Variants in SLC35F1 observed in about 807,000 individuals in gnomAD.
SLC35F1 encodes solute carrier family 35 member F1.
Under a neutral mutation model 48.7 loss-of-function variants are expected in SLC35F1, and 14 were observed. The ratio of observed to expected loss-of-function variants is 0.29; its 90% CI spans 0.19 to 0.45. The LOEUF is 0.45. Among genes scored for constraint, SLC35F1 ranks in the 20% least tolerant of loss-of-function variants. SLC35F1 has a pLI of 1.00. For synonymous variants in SLC35F1, 190 were observed against 202.2 expected (o/e 0.94, Z 0.51); for missense variants, 404 against 500.0 (o/e 0.81, Z 1.83).
chr6:118,074,485 G>A (rs946990572), intron 1 of SLC35F1, among the ~76,000 whole-genome samples: 3 of 152,150 alleles, frequency 2.0e-5, no homozygotes, highest in Admixed American at 6.5e-5. Flanking sequence ...CATATCATAA[G>A]CTTGACTTAC....
chr6:117,958,235 AT>A (rs1250086319), intron 1 of SLC35F1, among the ~76,000 whole-genome samples: 3 of 152,226 alleles, frequency 2.0e-5, no homozygotes, highest in Admixed American at 2.0e-4. Flanking sequence ...TGTACAATGT[AT>A]TTGTGTTTTA....
chr6:118,031,648 C>G (rs184321912), intron 1 of SLC35F1, among the ~76,000 whole-genome samples: 10 of 152,296 alleles, frequency 6.6e-5, no homozygotes, highest in African/African-American at 2.2e-4. Context: ...TTTATTGAAG[C>G]GACAGTGTTA....
At chr6:118,261,226 G>A (rs1427836722) in intron 3 of SLC35F1, among the ~76,000 whole-genome samples, 1 of 152,168 alleles carries the variant, frequency 6.6e-6, no homozygotes. Context: ...TGATACCTTA[G>A]TATCCAGTCA....
intron 1 of SLC35F1, among the ~76,000 whole-genome samples, chr6:118,140,851 T>C (rs1401742075): frequency 6.6e-6 from 1 of 151,436 alleles, no homozygotes; most frequent in African/African-American, 2.4e-5. Context: ...AAATAAATAA[T>C]GTTAAAAGTA....
chr6:118,012,250 G>A (rs761140283), intron 1 of SLC35F1, among the ~76,000 whole-genome samples: 5 of 150,932 alleles, frequency 3.3e-5, no homozygotes, highest in Non-Finnish European at 5.9e-5. Flanking sequence ...AGTAAACTTA[G>A]CAACTGTCAT....
Position 117,937,234 on chromosome 6 carries a change from C to T in SLC35F1, c.173+29335C>T, listed in dbSNP as rs1776173156. Among the ~76,000 whole-genome samples, 3 of 152,278 alleles carry T rather than the reference C, an allele frequency of 2.0e-5. No homozygotes were observed. In the South Asian group the frequency reaches 6.2e-4, roughly 32 times the overall value. On this transcript the variant is annotated intron_variant, in intron 1 of 7. Transcript: ENST00000360388. Reference sequence around the variant, plus strand: ...CACACTCTTATGGAAGATTGGCATTCATTCCATAATGCTGATTATTAGCTT... The same window carrying T: ...CACACTCTTATGGAAGATTGGCATTTATTCCATAATGCTGATTATTAGCTT...
chr6:118,082,460 C>A (rs547520550), intron 1 of SLC35F1, among the ~76,000 whole-genome samples: 5 of 151,960 alleles, frequency 3.3e-5, no homozygotes, highest in African/African-American at 9.7e-5. Context: ...GGAGAACTTA[C>A]GAAATGAAAG....
At chr6:118,262,812 C>T (rs962829186) in intron 3 of SLC35F1, among the ~76,000 whole-genome samples, 10 of 152,094 alleles carry the variant, frequency 6.6e-5, no homozygotes, top group South Asian at 2.1e-4. Context: ...TCAAGCTGGG[C>T]GCTGTGGCTC....
chr6:118,291,621 C>T (rs1365317789), intron 7 of SLC35F1, among the ~76,000 whole-genome samples: 3 of 152,134 alleles, frequency 2.0e-5, no homozygotes, highest in Non-Finnish European at 4.4e-5. Context: ...TTAATGCCGC[C>T]GCTGCCTTTG....
chr6:118,082,911 ACT>A (rs911486034), intron 1 of SLC35F1, among the ~76,000 whole-genome samples: 28 of 151,934 alleles, frequency 1.8e-4, no homozygotes, highest in African/African-American at 6.3e-4. Context: ...GAGAAGGAAG[ACT>A]CTGAATAGTC....
At chr6:118,257,327 T>C (rs1375960263) in intron 3 of SLC35F1, among the ~76,000 whole-genome samples, 1 of 152,176 alleles carries the variant, frequency 6.6e-6, no homozygotes, top group Non-Finnish European at 1.5e-5. Flanking sequence ...AAAACTACAG[T>C]GCTTCATTTC....
At chr6:118,293,593 AT>A (rs1465840661) in intron 7 of SLC35F1, among the ~76,000 whole-genome samples, 2 of 152,172 alleles carry the variant, frequency 1.3e-5, no homozygotes, top group Non-Finnish European at 2.9e-5. Context: ...GGGGATTATC[AT>A]TTTGCCTACC....
intron 1 of SLC35F1, among the ~76,000 whole-genome samples, chr6:117,924,494 A>G (rs1775999911): frequency 3.8e-4 from 8 of 21,164 alleles, no homozygotes; most frequent in African/African-American, 7.3e-4. Context: ...ACGTATATAC[A>G]TATGTATATA....
At chr6:117,953,915 AAAC>A (rs902463391) in intron 1 of SLC35F1, among the ~76,000 whole-genome samples, 1 of 152,204 alleles carries the variant, frequency 6.6e-6, no homozygotes, top group Non-Finnish European at 1.5e-5. Context: ...TGGGATCCTG[AAAC>A]AACAAGTTAC....
At chr6:118,066,656 T>C (rs1772618020) in intron 1 of SLC35F1, among the ~76,000 whole-genome samples, 1 of 152,142 alleles carries the variant, frequency 6.6e-6, no homozygotes, top group Admixed American at 6.6e-5. Flanking sequence ...GGAGGTAATT[T>C]GTTTTGCAGC....
chr6:118,134,958 C>T (rs775137032), intron 1 of SLC35F1, among the ~76,000 whole-genome samples: 7 of 152,112 alleles, frequency 4.6e-5, no homozygotes, highest in Non-Finnish European at 5.9e-5. Context: ...AAGTGAGGGA[C>T]GCAGTTGGAA....
chr6:117,935,924 G>A (rs1776157418), intron 1 of SLC35F1, among the ~76,000 whole-genome samples: 1 of 152,150 alleles, frequency 6.6e-6, no homozygotes, highest in South Asian at 2.1e-4. Context: ...TCACAGTTAT[G>A]GAGTCCGCAA....
chr6:117,945,773 CAT>C (rs1776288246), intron 1 of SLC35F1, among the ~76,000 whole-genome samples: 1 of 152,080 alleles, frequency 6.6e-6, no homozygotes, highest in African/African-American at 2.4e-5. Flanking sequence ...TTTTCTTCTG[CAT>C]AGTAACAAGC....
intron 2 of SLC35F1, among the ~76,000 whole-genome samples, chr6:118,208,073 T>A (rs9481768): frequency 5.9e-5 from 9 of 151,300 alleles, no homozygotes; most frequent in Non-Finnish European, 7.4e-5. Flanking sequence ...TCTCTCTCTC[T>A]CACACACACA....
Sources: allele counts gnomAD v4.1 joint callset (sites outside exome capture counted in the v4.1 genomes callset), GRCh38; gene constraint gnomAD v4.1.1; transcripts MANE v1.5; gene names NCBI Gene and HGNC (gene_info 2026-07-23, HGNC 2026-07-21).